MTUS2: variants seen among roughly 807,000 people sequenced by gnomAD.
MTUS2 encodes the protein microtubule associated scaffold protein 2.
A neutral mutation model predicts 114.1 loss-of-function variants in MTUS2; 40 were observed. The ratio of observed to expected loss-of-function variants is 0.35; its 90% CI spans 0.27 to 0.46. The LOEUF is 0.46. MTUS2 is among the 20% of genes least tolerant of loss of function. MTUS2 has a pLI of 1.00. For missense variants in MTUS2, 1,679 were observed against 1,705.4 expected (o/e 0.98, Z 0.27); for synonymous variants, 688 against 672.0 (o/e 1.02, Z -0.37).
intron 5 of MTUS2, among the ~76,000 whole-genome samples, chr13:29,210,528 T>C (rs184798260): frequency 6.6e-6 from 1 of 152,240 alleles, no homozygotes; most frequent in East Asian, 1.9e-4. Flanking sequence ...CAGAATTGTT[T>C]TTCTGGTTCC....
intron 5 of MTUS2, among the ~76,000 whole-genome samples, chr13:29,190,105 A>T (rs1894386177): frequency 6.6e-6 from 1 of 152,210 alleles, no homozygotes; most frequent in African/African-American, 2.4e-5. Context: ...TGGACTTCCC[A>T]GCCTCCAGAA....
intron 5 of MTUS2, among the ~76,000 whole-genome samples, chr13:29,103,741 C>T (rs1236079449): frequency 6.6e-6 from 1 of 152,216 alleles, no homozygotes; most frequent in Non-Finnish European, 1.5e-5. Context: ...CATTTATAAT[C>T]TTACAGGACC....
chr13:29,076,279 A>G (rs73164593), intron 4 of MTUS2, among the ~76,000 whole-genome samples: 7,050 of 152,286 alleles, frequency 0.046, 224 homozygotes, highest in Non-Finnish European at 0.072. Context: ...CTCTTACAGG[A>G]TAAGTTTTTT....
Position 29,076,592 on chromosome 13 carries a change from G to A in MTUS2, c.2447-24181G>A, listed in dbSNP as rs374597405. 6.6e-5 allele frequency among the ~76,000 whole-genome samples: 10 copies of A among 152,266 alleles called. No individual in the cohort carries two copies. The East Asian group carries it at 1.5e-3, about 24-fold the overall frequency. On this transcript the variant is annotated intron_variant, in intron 4 of 15. Coordinates refer to ENST00000612955, the MANE Select transcript of MTUS2 (RefSeq NM_001033602.4). ...GCTGACGAGTTGATGCTGGCTGTTGGCAGGCCTCAGTTCCTCCCCATGTGA... is the reference window on the plus strand; with the variant it reads ...GCTGACGAGTTGATGCTGGCTGTTGACAGGCCTCAGTTCCTCCCCATGTGA...
intron 6 of MTUS2, among the ~76,000 whole-genome samples, chr13:29,311,670 AC>A (rs1221183953): frequency 6.6e-6 from 1 of 152,186 alleles, no homozygotes; most frequent in African/African-American, 2.4e-5. Flanking sequence ...CTTAGTTTAA[AC>A]CATAAGCAAT....
intron 4 of MTUS2, among the ~76,000 whole-genome samples, chr13:29,088,352 A>G (rs1490006250): frequency 6.6e-6 from 1 of 152,074 alleles, no homozygotes; most frequent in Non-Finnish European, 1.5e-5. Flanking sequence ...GGTTGGTAGG[A>G]TTTTGGTATT....
chr13:28,822,793 C>T (rs536598058), intron 1 of MTUS2, among the ~76,000 whole-genome samples: 1 of 152,088 alleles, frequency 6.6e-6, no homozygotes, highest in Admixed American at 6.5e-5. Context: ...TGTCTTCAAA[C>T]CTGTGTTCAA....
intron 4 of MTUS2, among the ~76,000 whole-genome samples, chr13:29,054,867 C>T (rs563677084): frequency 6.6e-5 from 10 of 152,096 alleles, no homozygotes; most frequent in Admixed American, 1.3e-4. Context: ...TGCTTAATTC[C>T]TCCAAATTTG....
chr13:28,887,153 A>G (rs1331067297), intron 2 of MTUS2, among the ~76,000 whole-genome samples: 4 of 152,230 alleles, frequency 2.6e-5, no homozygotes, highest in Admixed American at 2.6e-4. Context: ...ATAATTGGCC[A>G]TGATTGAAAG....
intron 5 of MTUS2, among the ~76,000 whole-genome samples, chr13:29,277,332 C>T (rs893355876): frequency 3.9e-5 from 6 of 151,988 alleles, no homozygotes; most frequent in South Asian, 4.1e-4. Flanking sequence ...ATGTTGCAGT[C>T]GGAAAAAGAA....
At position 29,329,759 on chromosome 13, in the gene MTUS2, G is replaced by C. The variant is rs185483711; in HGVS notation, c.2905+5048G>C. ...CTCCTGAGTAGCTGGGACTACAGGT[G>C]TGTGCCACCACACCTGGCTAATTTT... On this transcript the variant is annotated intron_variant, in intron 7 of 15. Coordinates refer to ENST00000612955, the MANE Select transcript of MTUS2 (RefSeq NM_001033602.4). Among the ~76,000 whole-genome samples the C allele has an allele frequency of 3.6e-3, 543 of 151,912 alleles. 3 individuals are homozygous for C. Among genetic ancestry groups the C allele is most frequent in the African/African-American group, 0.013 (523 of 41,434 alleles).
intron 4 of MTUS2, among the ~76,000 whole-genome samples, chr13:29,093,582 C>G (rs940542791): frequency 6.6e-5 from 10 of 152,102 alleles, no homozygotes; most frequent in Non-Finnish European, 1.2e-4. Context: ...TGTAGAAATA[C>G]AGTTGATTTC....
intron 5 of MTUS2, among the ~76,000 whole-genome samples, chr13:29,238,034 C>A (rs1896599493): frequency 6.6e-6 from 1 of 152,176 alleles, no homozygotes; most frequent in Non-Finnish European, 1.5e-5. Context: ...ATTAGAATTA[C>A]CATATGATCC....
intron 5 of MTUS2, among the ~76,000 whole-genome samples, chr13:29,169,116 A>C (rs1188895007): frequency 1.3e-5 from 2 of 152,144 alleles, no homozygotes; most frequent in Admixed American, 6.5e-5. Context: ...CTGGGGTACA[A>C]AAGCAAATGA....
intron 2 of MTUS2, among the ~76,000 whole-genome samples, chr13:28,922,892 G>T (rs1881124250): frequency 6.6e-6 from 1 of 152,072 alleles, no homozygotes; most frequent in African/African-American, 2.4e-5. Flanking sequence ...CTTCTATTCG[G>T]CCATCTTGCT....
intron 9 of MTUS2, among the ~76,000 whole-genome samples, chr13:29,449,969 C>A (rs2138730859): frequency 1.3e-5 from 2 of 152,322 alleles, no homozygotes; most frequent in Middle Eastern, 6.8e-3. Context: ...TGCTCCCCGT[C>A]CTCGGGGACC....
At chr13:29,154,393 T>A (rs935142287) in intron 5 of MTUS2, among the ~76,000 whole-genome samples, 2 of 152,220 alleles carry the variant, frequency 1.3e-5, no homozygotes, top group Non-Finnish European at 2.9e-5. Context: ...AAGTTCATTG[T>A]CTTCCTGGAA....
chr13:28,985,560 CT>C (rs34218047), intron 2 of MTUS2, among the ~76,000 whole-genome samples: 61,900 of 142,160 alleles, frequency 0.44, 13,779 homozygotes, highest in African/African-American at 0.6. Context: ...AAATGGTATT[CT>C]TTTTTTTTTT....
chr13:28,885,574 T>C (rs1878544185), intron 2 of MTUS2, among the ~76,000 whole-genome samples: 1 of 152,212 alleles, frequency 6.6e-6, no homozygotes, highest in African/African-American at 2.4e-5. Context: ...CATGAGTTCC[T>C]GGGGTCAAAT....
Sources: allele counts gnomAD v4.1 joint callset (sites outside exome capture counted in the v4.1 genomes callset), GRCh38; gene constraint gnomAD v4.1.1; transcripts MANE v1.5; gene names NCBI Gene and HGNC (gene_info 2026-07-23, HGNC 2026-07-21).